MORF4L1: variants seen among roughly 807,000 people sequenced by gnomAD.
The protein encoded by MORF4L1 is mortality factor 4-like protein 1.
A neutral mutation model predicts 52.9 loss-of-function variants in MORF4L1; 4 were observed. The observed-to-expected ratio is 0.08, with a 90% CI of 0.04 to 0.17. MORF4L1 has a LOEUF of 0.17. Among genes scored for constraint, MORF4L1 ranks in the 10% least tolerant of loss-of-function variants. The pLI is 1.00. For missense variants in MORF4L1, 214 were observed against 390.4 expected, an observed-to-expected ratio of 0.55 and a Z score of 3.81; for synonymous variants, 123 against 134.8, an observed-to-expected ratio of 0.91 and a Z score of 0.61.
At chr15:78,895,352 C>T (rs184547821) in intron 11 of MORF4L1, among the ~76,000 whole-genome samples, 1 of 152,176 alleles carries the variant, frequency 6.6e-6, no homozygotes, top group East Asian at 1.9e-4. Context: ...AAAAGTAGGA[C>T]AGGAAATTTA....
chr15:78,888,996 A>T (rs535196482), intron 5 of MORF4L1, among the ~76,000 whole-genome samples: 1 of 152,338 alleles, frequency 6.6e-6, no homozygotes, highest in East Asian at 1.9e-4. Flanking sequence ...GATTTTTATC[A>T]AAAGTAATAG....
At chr15:78,874,825 C>G (rs1183452447) in intron 1 of MORF4L1, among the ~76,000 whole-genome samples, 1 of 150,662 alleles carries the variant, frequency 6.6e-6, no homozygotes, top group Non-Finnish European at 1.5e-5. Flanking sequence ...AGCAGATATT[C>G]TTAATCTAGA....
intron 1 of MORF4L1, chr15:78,873,880 A>G (rs2056424943): frequency 1.3e-5 from 2 of 152,284 alleles, no homozygotes; most frequent in African/African-American, 4.8e-5. Flanking sequence ...TAAAAAGTAA[A>G]TAAAAATGAT....
At position 78,887,252 on chromosome 15, in the gene MORF4L1, T is replaced by C; in HGVS notation, c.243-17T>C. The C allele has an allele frequency of 1.3e-6, 2 of 1,594,372 alleles. No homozygotes were observed. On this transcript the variant is annotated splice_polypyrimidine_tract_variant and intron_variant, in intron 4 of 11. Coordinates refer to ENST00000426013, the MANE Select transcript of MORF4L1 (RefSeq NM_006791.4). ...AATGCTCATTTTATGTTGACATTAC[T>C]GAAATTATTTTTGAAGGGAGCAGTA...
At chr15:78,873,252 A>G (rs372475953) in intron 1 of MORF4L1, 195 bp downstream of exon 1, 6 of 1,499,290 alleles carry the variant, frequency 4.0e-6, no homozygotes, top group East Asian at 2.5e-5. Context: ...TTGTGAAGCG[A>G]GAGTGCTGCG....
At chr15:78,893,707 A>C (rs949525753) in intron 9 of MORF4L1, 80 bp downstream of exon 9, 2 of 915,174 alleles carry the variant, frequency 2.2e-6, no homozygotes, top group African/African-American at 3.3e-5. Context: ...ACTTGTACTG[A>C]CTCCGAAACA....
At chr15:78,887,454 G>A in intron 5 of MORF4L1, 105 bp downstream of exon 5, 1 of 904,748 alleles carries the variant, frequency 1.1e-6, no homozygotes, top group Non-Finnish European at 1.7e-6. Flanking sequence ...AACATTGTTG[G>A]AACCAGTAAG....
At chr15:78,873,159 C>T (rs923931300) in intron 1 of MORF4L1, 102 bp downstream of exon 1, 9 of 1,536,888 alleles carry the variant, frequency 5.9e-6, no homozygotes, top group African/African-American at 2.8e-5. Flanking sequence ...CGGGCTGCGC[C>T]CTGAGAAGGC....
intron 11 of MORF4L1, among the ~76,000 whole-genome samples, chr15:78,896,308 CTTTTTTTTTT>C (rs71148578): frequency 3.7e-5 from 3 of 81,448 alleles, no homozygotes; most frequent in East Asian, 3.7e-4. Flanking sequence ...CTTTTCTTTT[CTTTTTTTTTT>C]TTTTTTTTTT....
Position 78,891,446 on chromosome 15 carries a change from A to G in MORF4L1, c.350-38A>G, listed in dbSNP as rs757992383. ...CTATTTTCCTTATAGAGTTTGTTAA[A>G]TTAGCTAAATGAGACCCCTCCCCGC... On this transcript the variant is annotated intron_variant, in intron 6 of 11. Transcript: ENST00000426013. 2.5e-5 allele frequency: 38 copies of G among 1,492,620 alleles called. 1 individual carries two copies. In the East Asian group the frequency reaches 3.4e-4, roughly 13 times the overall value. The allele number at this position is 1,492,620 out of a possible 1,614,324, so 92.5% of individuals were successfully genotyped here. A position where few individuals can be genotyped will look rare whatever the true frequency, so the allele number is the denominator to read the frequency against.
intron 10 of MORF4L1, 194 bp from the exon 11 acceptor site, chr15:78,894,626 C>G (rs546288241): frequency 2.9e-5 from 16 of 544,516 alleles, no homozygotes; most frequent in African/African-American, 2.8e-4. Flanking sequence ...CCAGGGTGGT[C>G]TTGAATACCT....
At chr15:78,884,720 G>T (rs991362341) in intron 3 of MORF4L1, among the ~76,000 whole-genome samples, 33 of 151,000 alleles carry the variant, frequency 2.2e-4, no homozygotes, top group Non-Finnish European at 4.1e-4. Flanking sequence ...TTTGAAAATG[G>T]CTTGTGCAGG....
chr15:78,883,593 A>G (rs941969188), intron 3 of MORF4L1, among the ~76,000 whole-genome samples: 21 of 151,644 alleles, frequency 1.4e-4, no homozygotes. Flanking sequence ...TTCTCAACTA[A>G]TTTGACACAT....
At chr15:78,886,020 A>G (rs574635982) in intron 3 of MORF4L1, 121 bp from the exon 4 acceptor site, 1 of 697,144 alleles carries the variant, frequency 1.4e-6, no homozygotes, top group Non-Finnish European at 2.6e-6. Context: ...AGTTGAGAAT[A>G]TATTTGTAGT....
intron 1 of MORF4L1, chr15:78,876,453 C>T: frequency 6.8e-6 from 3 of 439,930 alleles, no homozygotes; most frequent in South Asian, 3.2e-5. Flanking sequence ...ATTTGCTGTC[C>T]TGGGTCATAC....
chr15:78,878,160 T>A, intron 1 of MORF4L1, 53 bp from the exon 2 acceptor site: 1 of 1,552,254 alleles, frequency 6.4e-7, no homozygotes, highest in Non-Finnish European at 8.8e-7. Flanking sequence ...AAGATGTTAA[T>A]CTTTTTATAT....
chr15:78,889,136 A>G (rs2056756161), intron 5 of MORF4L1, among the ~76,000 whole-genome samples: 1 of 152,210 alleles, frequency 6.6e-6, no homozygotes, highest in Admixed American at 6.5e-5. Context: ...GGCTGAGTAA[A>G]TATATGAAGT....
intron 11 of MORF4L1, among the ~76,000 whole-genome samples, chr15:78,896,727 A>G (rs1205562725): frequency 2.0e-5 from 3 of 152,204 alleles, no homozygotes; most frequent in African/African-American, 4.8e-5. Context: ...TTCTGCAGAC[A>G]TAACTGTTCT....
chr15:78,881,189 C>CTTTTTTTTTTTTTTTTTTTTTTTTTTTT (rs570514618), intron 3 of MORF4L1, among the ~76,000 whole-genome samples: 1 of 67,178 alleles, frequency 1.5e-5, no homozygotes, highest in Non-Finnish European at 2.6e-5. Context: ...AGAGTTAAGC[C>CTTTTTTTTTTTTTTTTTTTTTTTTTTTT]TTTTTTTTTT....
Sources: allele counts gnomAD v4.1 joint callset (sites outside exome capture counted in the v4.1 genomes callset), GRCh38; gene constraint gnomAD v4.1.1; transcripts MANE v1.5; gene names NCBI Gene and HGNC (gene_info 2026-07-23, HGNC 2026-07-21).